KDM6A: variants seen among roughly 807,000 people sequenced by gnomAD.
The protein encoded by KDM6A is lysine-specific demethylase 6A.
Under a neutral mutation model 117.6 loss-of-function variants are expected in KDM6A, and 11 were observed. That is an observed-to-expected ratio of 0.09 (90% CI 0.06 to 0.15). KDM6A has a LOEUF of 0.15. Ranked by LOEUF, KDM6A falls within the 10% of genes least tolerant of loss-of-function variation. KDM6A has a pLI of 1.00. For synonymous variants in KDM6A, 384 were observed against 396.1 expected, an observed-to-expected ratio of 0.97 and a Z score of 0.36; for missense variants, 799 against 1,077.3, an observed-to-expected ratio of 0.74 and a Z score of 3.62.
chrX:45,070,648 A>G (rs1484924169), intron 18 of KDM6A, among the ~76,000 whole-genome samples: 2 of 110,766 alleles, frequency 1.8e-5, no homozygotes, highest in East Asian at 5.7e-4. Context: ...TGGGGATTTA[A>G]ACAAGAGAAT....
intron 27 of KDM6A, among the ~76,000 whole-genome samples, chrX:45,103,384 T>C (rs1445666837): frequency 9.0e-6 from 1 of 110,982 alleles, no homozygotes; most frequent in Admixed American, 9.7e-5. Context: ...ATTAAGTAAA[T>C]TGATTCAGAA....
At chrX:45,105,660 T>G (rs1218632549) in intron 27 of KDM6A, among the ~76,000 whole-genome samples, 1 of 112,135 alleles carries the variant, frequency 8.9e-6, no homozygotes, top group Non-Finnish European at 1.9e-5. Context: ...AATTTTTACT[T>G]GCTACCTTCC....
intron 3 of KDM6A, among the ~76,000 whole-genome samples, chrX:44,963,645 T>G (rs1032940370): frequency 1.8e-5 from 2 of 111,060 alleles, no homozygotes; most frequent in Admixed American, 9.6e-5. Context: ...ACATCTACAG[T>G]TACTTCCTCC....
intron 6 of KDM6A, among the ~76,000 whole-genome samples, chrX:45,033,953 A>G (rs943604366): frequency 9.0e-6 from 1 of 111,403 alleles, no homozygotes; most frequent in African/African-American, 3.3e-5. Flanking sequence ...GCCAACATCA[A>G]TAACTCTTTA....
chrX:45,104,515 A>G (rs1358563722), intron 27 of KDM6A, among the ~76,000 whole-genome samples: 1 of 112,201 alleles, frequency 8.9e-6, no homozygotes, highest in East Asian at 2.8e-4. Flanking sequence ...AGTCTTAAAT[A>G]TTATATGTTT....
intron 2 of KDM6A, among the ~76,000 whole-genome samples, chrX:44,906,686 G>T (rs764983079): frequency 1.9e-4 from 21 of 110,001 alleles, no homozygotes; most frequent in South Asian, 3.9e-4. Flanking sequence ...TGTGTATATA[G>T]AGAGAGAGAG....
Position 44,977,811 on chromosome X carries a change from G to C in KDM6A, c.384+3096G>C, listed in dbSNP as rs950219768. Among the ~76,000 whole-genome samples the C allele has an allele frequency of 5.4e-5, 6 of 112,018 alleles. No homozygotes were observed. The Admixed American group carries it at 5.7e-4, about 11-fold the overall frequency. On this transcript the variant is annotated intron_variant, in intron 4 of 29. Coordinates refer to ENST00000611820, the MANE Select transcript of KDM6A (RefSeq NM_001291415.2). ...CATTTTCTTAGTTGTTAGTGAGATT[G>C]AACTTTTTAAAAATTGAAGTGTAAA... is the stretch of plus-strand genomic sequence containing the variant.
chrX:45,035,820 C>T (rs1411830889), intron 7 of KDM6A, among the ~76,000 whole-genome samples: 1 of 109,493 alleles, frequency 9.1e-6, no homozygotes, highest in African/African-American at 3.3e-5. Flanking sequence ...CTGCCTCAGC[C>T]TCCCAAGTAG....
intron 27 of KDM6A, 90 bp from the exon 28 acceptor site, chrX:45,107,320 T>A: frequency 1.1e-6 from 1 of 887,610 alleles, no homozygotes; most frequent in Non-Finnish European, 1.7e-6. Context: ...GAATCAAGTC[T>A]CTTGGCATTA....
In KDM6A at chrX:44,873,550, C is replaced by T. The variant is rs756589442; in HGVS notation, c.-2C>T. On this transcript the variant is annotated 5_prime_UTR_variant, in exon 1 of 30. Coordinates refer to ENST00000611820, the MANE Select transcript of KDM6A (RefSeq NM_001291415.2). The stretch of plus-strand genomic sequence containing the variant: ...TTGGAGTTGTGAATTCGCTGCGTTT[C>T]CATGAAATCCTGCGGAGTGTCGCTC... The T allele has an allele frequency of 2.5e-6, 3 of 1,207,679 alleles. No individual in the cohort carries two copies. The highest frequency in any genetic ancestry group is 3.5e-5 in the African/African-American group (2 of 56,945).
chrX:44,986,920 A>G (rs1001755350), intron 4 of KDM6A, among the ~76,000 whole-genome samples: 30 of 111,523 alleles, frequency 2.7e-4, no homozygotes, highest in Non-Finnish European at 1.5e-4. Context: ...GTAGATGTCT[A>G]TTAGGTCTGC....
intron 27 of KDM6A, among the ~76,000 whole-genome samples, chrX:45,098,823 C>T: frequency 9.0e-6 from 1 of 111,609 alleles, no homozygotes. Context: ...TACTGATCTC[C>T]TTTAATTCAT....
chrX:45,052,902 C>G (rs2043920534), intron 9 of KDM6A, among the ~76,000 whole-genome samples: 1 of 110,433 alleles, frequency 9.1e-6, no homozygotes, highest in Non-Finnish European at 1.9e-5. Flanking sequence ...TCTGTGTTGC[C>G]CAGGGTGGTC....
chrX:45,028,416 A>G (rs958357449), intron 6 of KDM6A, among the ~76,000 whole-genome samples: 3 of 111,974 alleles, frequency 2.7e-5, no homozygotes, highest in African/African-American at 9.7e-5. Context: ...TTATACATAA[A>G]ATTCATATAG....
intron 2 of KDM6A, among the ~76,000 whole-genome samples, chrX:44,916,442 A>G (rs1431230571): frequency 1.8e-5 from 2 of 111,082 alleles, no homozygotes; most frequent in Non-Finnish European, 3.8e-5. Flanking sequence ...TTACTTATCA[A>G]CACTGAACTT....
intron 2 of KDM6A, among the ~76,000 whole-genome samples, chrX:44,878,301 T>C (rs1415788901): frequency 8.9e-6 from 1 of 111,825 alleles, no homozygotes; most frequent in Non-Finnish European, 1.9e-5. Flanking sequence ...GCTCAACCTG[T>C]AAATTCATTT....
chrX:45,083,687 C>T (rs963848609), intron 24 of KDM6A, 79 bp downstream of exon 24: 3 of 885,550 alleles, frequency 3.4e-6, no homozygotes, highest in Admixed American at 2.5e-5. Flanking sequence ...CAGCCAGAAT[C>T]TTGTCATTTA....
At chrX:45,090,532 A>C (rs575716049) in intron 26 of KDM6A, among the ~76,000 whole-genome samples, 191 bp from the exon 27 acceptor site, 1 of 112,222 alleles carries the variant, frequency 8.9e-6, no homozygotes, top group Non-Finnish European at 1.9e-5. Flanking sequence ...GCACATAGTC[A>C]TAGGAAGTGC....
chrX:45,107,006 G>C, intron 27 of KDM6A: 1 of 181,916 alleles, frequency 5.5e-6, no homozygotes, highest in South Asian at 9.3e-5. Context: ...GTGCCTTCCT[G>C]CCTTACTAGA....
Sources: allele counts gnomAD v4.1 joint callset (sites outside exome capture counted in the v4.1 genomes callset), GRCh38; gene constraint gnomAD v4.1.1; transcripts MANE v1.5; gene names NCBI Gene and HGNC (gene_info 2026-07-23, HGNC 2026-07-21).